STPG2: variants seen among roughly 807,000 people sequenced by gnomAD.
The protein encoded by STPG2 is sperm-tail PG-rich repeat-containing protein 2.
STPG2 carries 56 observed loss-of-function variants against 54.2 expected under a neutral mutation model. The observed-to-expected ratio is 1.03, with a 90% confidence interval of 0.83 to 1.29. The LOEUF (loss-of-function observed/expected upper bound fraction) is 1.29. STPG2 is among the 50% of genes most tolerant of loss of function. STPG2 has a pLI of 0.00. For missense variants in STPG2, 596 were observed against 544.9 expected (o/e 1.09, Z -0.93); for synonymous variants, 200 against 181.8 (o/e 1.10, Z -0.81).
At chr4:97,546,306 T>A (rs1731831923) in intron 4 of STPG2, among the ~76,000 whole-genome samples, 1 of 151,846 alleles carries the variant, frequency 6.6e-6, no homozygotes, top group South Asian at 2.1e-4. Flanking sequence ...CATTTTCTAA[T>A]AATAGAAAAA....
intron 9 of STPG2, among the ~76,000 whole-genome samples, chr4:97,803,296 A>T (rs1344347568): frequency 1.3e-5 from 2 of 152,208 alleles, no homozygotes; most frequent in African/African-American, 4.8e-5. Flanking sequence ...CACTGATACA[A>T]GTTACTCCAT....
At chr4:97,722,378 G>A (rs1430000393) in intron 9 of STPG2, among the ~76,000 whole-genome samples, 1 of 152,052 alleles carries the variant, frequency 6.6e-6, no homozygotes, top group African/African-American at 2.4e-5. Flanking sequence ...TTTATAAAAT[G>A]AATTTATCCT....
At position 97,544,574 on chromosome 4, in the gene STPG2, T is replaced by A. The variant is rs569264412; in HGVS notation, c.462+168125A>T. The stretch of plus-strand genomic sequence containing the variant: ...GAGCAATCCAGTAAAGAAAATCATA[T>A]AAAAATATTTACAAAAATGAAGACA... On this transcript the variant is annotated intron_variant, in intron 4 of 4. Transcript: ENST00000522676. Among the ~76,000 whole-genome samples, 8 of 152,032 alleles carry A rather than the reference T, an allele frequency of 5.3e-5. No individual in the cohort carries two copies. In the East Asian group the frequency reaches 1.5e-3, roughly 29 times the overall value.
intron 4 of STPG2, among the ~76,000 whole-genome samples, chr4:97,465,086 A>G (rs982932068): frequency 2.6e-5 from 4 of 152,150 alleles, no homozygotes; most frequent in African/African-American, 9.7e-5. Context: ...TTGGTGAGCT[A>G]CTAGAGAGAA....
At chr4:98,091,775 T>C (rs954653980) in intron 5 of STPG2, among the ~76,000 whole-genome samples, 5 of 152,032 alleles carry the variant, frequency 3.3e-5, no homozygotes, top group African/African-American at 4.8e-5. Flanking sequence ...TGTATATACA[T>C]ATATATTCAG....
chr4:97,933,931 T>C (rs1281991132), intron 8 of STPG2, among the ~76,000 whole-genome samples: 2 of 152,244 alleles, frequency 1.3e-5, no homozygotes, highest in Non-Finnish European at 2.9e-5. Flanking sequence ...GGGAATAGCA[T>C]TGAATCTATA....
At chr4:98,089,473 T>C (rs1300278357) in intron 5 of STPG2, among the ~76,000 whole-genome samples, 1 of 152,026 alleles carries the variant, frequency 6.6e-6, no homozygotes, top group African/African-American at 2.4e-5. Context: ...TTAGGTTGGT[T>C]CCATATCTTT....
At chr4:97,873,663 A>G (rs1730071086) in intron 8 of STPG2, among the ~76,000 whole-genome samples, 2 of 151,546 alleles carry the variant, frequency 1.3e-5, no homozygotes, top group Non-Finnish European at 3.0e-5. Flanking sequence ...GTATCCTAGT[A>G]CTAAGATCCT....
At chr4:97,904,937 C>G (rs1409318249) in intron 8 of STPG2, among the ~76,000 whole-genome samples, 1 of 151,950 alleles carries the variant, frequency 6.6e-6, no homozygotes, top group African/African-American at 2.4e-5. Context: ...GCAAAGCCTC[C>G]AAGAAATATG....
At chr4:97,805,703 C>T (rs1298550406) in intron 9 of STPG2, among the ~76,000 whole-genome samples, 2 of 151,878 alleles carry the variant, frequency 1.3e-5, no homozygotes, top group African/African-American at 4.8e-5. Flanking sequence ...AAACTTTTCT[C>T]CCATTCTGTA....
intron 8 of STPG2, among the ~76,000 whole-genome samples, chr4:97,910,695 AAG>A (rs956046115): frequency 6.6e-6 from 1 of 152,224 alleles, no homozygotes; most frequent in Non-Finnish European, 1.5e-5. Context: ...TAACAATAAA[AAG>A]AAAAAATTTC....
intron 4 of STPG2, among the ~76,000 whole-genome samples, chr4:97,447,332 A>AAATTC (rs768450475): frequency 2.8e-4 from 43 of 152,336 alleles, no homozygotes; most frequent in Non-Finnish European, 5.0e-4. Flanking sequence ...TTCTGGGGAG[A>AAATTC]AATTCAAGCC....
intron 3 of STPG2, among the ~76,000 whole-genome samples, chr4:98,115,634 C>A (rs1020743930): frequency 7.9e-5 from 12 of 151,908 alleles, no homozygotes; most frequent in Admixed American, 3.9e-4. Flanking sequence ...AATTTTCTAT[C>A]AATATGCACC....
chr4:97,862,712 C>A (rs1373472703), intron 8 of STPG2, among the ~76,000 whole-genome samples: 1 of 152,134 alleles, frequency 6.6e-6, no homozygotes, highest in Non-Finnish European at 1.5e-5. Context: ...CACTCCTCAG[C>A]AAATGTAAAA....
intron 4 of STPG2, among the ~76,000 whole-genome samples, chr4:97,544,246 T>G (rs1255306943): frequency 6.6e-6 from 1 of 152,104 alleles, no homozygotes; most frequent in Non-Finnish European, 1.5e-5. Context: ...CATGGAGATA[T>G]CCGTAAAAGT....
intron 8 of STPG2, among the ~76,000 whole-genome samples, chr4:97,866,852 C>A (rs1294942740): frequency 2.6e-5 from 4 of 151,870 alleles, no homozygotes; most frequent in Admixed American, 2.6e-4. Flanking sequence ...ATCAGAATTT[C>A]TTTGCTGGGG....
chr4:97,773,224 C>G (rs1305791491), intron 9 of STPG2, among the ~76,000 whole-genome samples: 1 of 152,080 alleles, frequency 6.6e-6, no homozygotes, highest in Non-Finnish European at 1.5e-5. Context: ...TAGAAATTGA[C>G]TGTACCTTTA....
At chr4:97,443,868 C>G (rs1252277390) in intron 4 of STPG2, among the ~76,000 whole-genome samples, 1 of 151,944 alleles carries the variant, frequency 6.6e-6, no homozygotes, top group African/African-American at 2.4e-5. Flanking sequence ...TAAGCAGAAC[C>G]AAAGGTGAAT....
At chr4:97,494,426 T>C (rs1173777460) in intron 4 of STPG2, among the ~76,000 whole-genome samples, 2 of 151,576 alleles carry the variant, frequency 1.3e-5, no homozygotes, top group African/African-American at 4.8e-5. Context: ...TTTGCCTGGC[T>C]GAATTTTAGA....
Sources: gnomAD v4.1 joint callset for allele counts (sites outside exome capture counted in the v4.1 genomes callset) on GRCh38, gnomAD v4.1.1 for gene constraint, MANE v1.5 for transcripts, NCBI Gene and HGNC (gene_info 2026-07-23, HGNC 2026-07-21) for gene names.